Variants in SYNPO2 observed in about 807,000 individuals in gnomAD.
SYNPO2 encodes synaptopodin-2.
SYNPO2 carries 56 observed loss-of-function variants against 85.0 expected under a neutral mutation model. The ratio of observed to expected loss-of-function variants is 0.66; its 90% CI spans 0.53 to 0.82. The LOEUF (loss-of-function observed/expected upper bound fraction) is 0.82. SYNPO2 is among the 40% of genes least tolerant of loss of function. The pLI is 0.00. For missense variants in SYNPO2, 1,575 were observed against 1,534.2 expected (o/e 1.03, Z -0.44); for synonymous variants, 602 against 591.1 (o/e 1.02, Z -0.27).
At chr4:119,041,566 G>GT (rs1429296793) in intron 4 of SYNPO2, among the ~76,000 whole-genome samples, 2 of 151,920 alleles carry the variant, frequency 1.3e-5, no homozygotes, top group Non-Finnish European at 2.9e-5. Flanking sequence ...AATTCTTCAC[G>GT]TAAGTCCAAT....
chr4:118,973,728 T>C (rs1735623701), intron 1 of SYNPO2, among the ~76,000 whole-genome samples: 1 of 152,228 alleles, frequency 6.6e-6, no homozygotes, highest in African/African-American at 2.4e-5. Flanking sequence ...ATTTTTTTCT[T>C]CTTTCCTTTC....
rs1739334505 is a variant in SYNPO2 at position 119,059,450 on chromosome 4, A to G, written c.*1516A>G. The G allele has an allele frequency of 6.6e-6, 1 of 152,172 alleles. No individual in the cohort carries two copies. The highest frequency in any genetic ancestry group is 1.5e-5 in the Non-Finnish European group (1 of 68,028). 9.4% of individuals were successfully genotyped at this position (152,172 alleles called of 1,614,324 possible). A position where few individuals can be genotyped will look rare whatever the true frequency, so the allele number is the denominator to read the frequency against. On this transcript the variant is annotated 3_prime_UTR_variant, in exon 5 of 5. Coordinates refer to ENST00000307142, the MANE Select transcript of SYNPO2 (RefSeq NM_133477.3). The stretch of plus-strand genomic sequence containing the variant: ...TGACACATGCCTTGTTAGCATGCCC[A>G]TCAAATAATCAGATCAAACACCTGC...
intron 4 of SYNPO2, chr4:119,033,685 A>G: frequency 5.1e-6 from 5 of 985,316 alleles, no homozygotes; most frequent in Non-Finnish European, 6.0e-6. Flanking sequence ...GTCACTGTCA[A>G]TCTGCTATAT....
chr4:118,946,167 G>GA, intron 1 of SYNPO2, among the ~76,000 whole-genome samples: 1 of 150,130 alleles, frequency 6.7e-6, no homozygotes, highest in East Asian at 1.9e-4. Context: ...CAGATTGAAA[G>GA]AAAAAAAAAG....
chr4:118,915,904 C>T (rs1232483069), intron 1 of SYNPO2, among the ~76,000 whole-genome samples: 2 of 151,700 alleles, frequency 1.3e-5, no homozygotes, highest in Non-Finnish European at 2.9e-5. Flanking sequence ...AAAATGGTAC[C>T]TAATTGTGGT....
At chr4:119,034,097 A>G (rs901756979) in intron 4 of SYNPO2, 6 of 985,366 alleles carry the variant, frequency 6.1e-6, no homozygotes, top group African/African-American at 1.7e-5. Context: ...TATTCATTAT[A>G]TAACACAGTT....
chr4:119,005,224 T>C (rs569751901), intron 1 of SYNPO2, among the ~76,000 whole-genome samples: 1 of 152,218 alleles, frequency 6.6e-6, no homozygotes. Context: ...AGAAGCTCTT[T>C]AGTTTAATTA....
chr4:118,889,559 G>T (rs1732294701), intron 1 of SYNPO2, among the ~76,000 whole-genome samples: 1 of 152,120 alleles, frequency 6.6e-6, no homozygotes. Flanking sequence ...CTATTTTGGG[G>T]ACTCATATAG....
At chr4:118,886,377 T>C (rs1364021101), upstream of SYNPO2, among the ~76,000 whole-genome samples, 1 of 152,192 alleles carries the variant, frequency 6.6e-6, no homozygotes, top group Non-Finnish European at 1.5e-5. Flanking sequence ...GCATGCGTTA[T>C]GTGTCGTAAT....
At chr4:118,923,150 C>T (rs1733594473) in intron 1 of SYNPO2, among the ~76,000 whole-genome samples, 1 of 151,996 alleles carries the variant, frequency 6.6e-6, no homozygotes, top group Admixed American at 6.6e-5. Context: ...ACCTAAATGC[C>T]CATCAACAGT....
At chr4:119,043,888 A>G (rs1376541111) in intron 4 of SYNPO2, 1 of 130,610 alleles carries the variant, frequency 7.7e-6, no homozygotes, top group East Asian at 2.5e-4. Flanking sequence ...CAGTGAGCCC[A>G]TATCGTACTG....
chr4:119,035,489 C>A (rs1445382299), intron 4 of SYNPO2: 1 of 985,206 alleles, frequency 1.0e-6, no homozygotes, highest in Admixed American at 6.2e-5. Context: ...TAAAGCATAC[C>A]TTGTTAGGAA....
intron 1 of SYNPO2, among the ~76,000 whole-genome samples, chr4:118,851,402 G>A (rs997195819): frequency 9.2e-5 from 14 of 152,014 alleles, no homozygotes; most frequent in Non-Finnish European, 1.8e-4. Context: ...CAGGAGAATC[G>A]CTTGAACCTG....
chr4:118,993,668 A>G (rs1736487133), intron 1 of SYNPO2, among the ~76,000 whole-genome samples: 1 of 152,178 alleles, frequency 6.6e-6, no homozygotes, highest in Admixed American at 6.5e-5. Context: ...TATATGACCT[A>G]CAGCTTAGTA....
At chr4:118,990,960 GCA>G (rs1171860142) in intron 1 of SYNPO2, among the ~76,000 whole-genome samples, 1 of 152,152 alleles carries the variant, frequency 6.6e-6, no homozygotes, top group African/African-American at 2.4e-5. Context: ...TCCGGCAAGA[GCA>G]CCAGGTGAAA....
At chr4:118,993,188 GAAGA>G (rs142780827) in intron 1 of SYNPO2, among the ~76,000 whole-genome samples, 36,218 of 150,596 alleles carry the variant, frequency 0.24, 4,389 homozygotes, top group South Asian at 0.33. Flanking sequence ...ATTAAAGAAG[GAAGA>G]GAGAGAAGAC....
chr4:119,007,256 A>ATG (rs1737096871), intron 1 of SYNPO2, among the ~76,000 whole-genome samples: 6 of 39,242 alleles, frequency 1.5e-4, no homozygotes, highest in African/African-American at 4.5e-4. Flanking sequence ...GTATATACAT[A>ATG]TATATATATA....
intron 1 of SYNPO2, among the ~76,000 whole-genome samples, chr4:118,853,802 G>A (rs1366908349): frequency 6.6e-6 from 1 of 152,098 alleles, no homozygotes; most frequent in South Asian, 2.1e-4. Flanking sequence ...AAGCTGCCAG[G>A]CTACCAGGCT....
chr4:118,900,703 C>CTCTATATATATATATA (rs1277981772), intron 1 of SYNPO2, among the ~76,000 whole-genome samples: 32 of 43,878 alleles, frequency 7.3e-4, no homozygotes, highest in Non-Finnish European at 1.0e-3. Flanking sequence ...CTCTCTCTCT[C>CTCTATATATATATATA]TATATATATA....
Sources: allele counts gnomAD v4.1 joint callset (sites outside exome capture counted in the v4.1 genomes callset), GRCh38; gene constraint gnomAD v4.1.1; transcripts MANE v1.5; gene names NCBI Gene and HGNC (gene_info 2026-07-23, HGNC 2026-07-21).